The following ZHX3 variants were observed in gnomAD, a reference collection of about 807,000 sequenced individuals.
ZHX3 encodes the protein zinc fingers and homeoboxes 3.
ZHX3 carries 20 observed loss-of-function variants against 64.5 expected under a neutral mutation model. That is an observed-to-expected ratio of 0.31 (90% CI 0.22 to 0.45). ZHX3 has a LOEUF of 0.45. Ranked by LOEUF, ZHX3 falls within the 20% of genes least tolerant of loss-of-function variation. The pLI, the probability that ZHX3 is intolerant of heterozygous loss-of-function variation, is 1.00. For missense variants in ZHX3, 1,041 were observed against 1,195.8 expected, an observed-to-expected ratio of 0.87 and a Z score of 1.91; for synonymous variants, 423 against 461.6, an observed-to-expected ratio of 0.92 and a Z score of 1.07.
intron 3 of ZHX3, among the ~76,000 whole-genome samples, chr20:41,198,231 C>T (rs1036328811): frequency 1.3e-5 from 2 of 151,828 alleles, no homozygotes; most frequent in Admixed American, 6.6e-5. Flanking sequence ...CTCCTGACCT[C>T]GTGATCCACC....
intron 1 of ZHX3, among the ~76,000 whole-genome samples, chr20:41,297,910 T>C (rs1416945744): frequency 6.6e-6 from 1 of 152,150 alleles, no homozygotes; most frequent in East Asian, 1.9e-4. Flanking sequence ...ACTTACAAGG[T>C]CTAGAGTGGC....
At chr20:41,271,631 A>C (rs919056422) in intron 1 of ZHX3, among the ~76,000 whole-genome samples, 10 of 152,218 alleles carry the variant, frequency 6.6e-5, no homozygotes, top group Non-Finnish European at 1.2e-4. Flanking sequence ...GTGGGCCAGA[A>C]GCAACAGCCT....
intron 2 of ZHX3, among the ~76,000 whole-genome samples, chr20:41,259,871 A>G (rs113546489): frequency 6.6e-5 from 10 of 152,314 alleles, no homozygotes; most frequent in African/African-American, 1.9e-4. Flanking sequence ...AAAAACCCCA[A>G]TAAGATTTTT....
intron 1 of ZHX3, among the ~76,000 whole-genome samples, chr20:41,301,723 C>T (rs1174955122): frequency 6.6e-6 from 1 of 152,122 alleles, no homozygotes; most frequent in Admixed American, 6.5e-5. Flanking sequence ...AATCACCTCC[C>T]ATCCAGCAGA....
At chr20:41,263,112 TAATAC>T (rs1300891989) in intron 2 of ZHX3, among the ~76,000 whole-genome samples, 2 of 151,874 alleles carry the variant, frequency 1.3e-5, no homozygotes, top group African/African-American at 2.4e-5. Flanking sequence ...ACAGAAAACA[TAATAC>T]AATAGCAATA....
At chr20:41,316,297 G>T (rs1358578119) in intron 1 of ZHX3, among the ~76,000 whole-genome samples, 1 of 152,044 alleles carries the variant, frequency 6.6e-6, no homozygotes, top group Non-Finnish European at 1.5e-5. Flanking sequence ...TGCGCTTCTG[G>T]ATTTTTCCAC....
intron 3 of ZHX3, among the ~76,000 whole-genome samples, chr20:41,187,752 C>A (rs2036647495): frequency 6.6e-6 from 1 of 152,122 alleles, no homozygotes; most frequent in African/African-American, 2.4e-5. Context: ...TTGGGGTCCC[C>A]TGAGATTCTA....
chr20:41,279,917 A>AG (rs990506484), intron 1 of ZHX3, among the ~76,000 whole-genome samples: 52 of 152,240 alleles, frequency 3.4e-4, no homozygotes, highest in African/African-American at 1.2e-3. Flanking sequence ...AAGTGAGCCC[A>AG]GGACTGTCAG....
At chr20:41,275,537 A>G (rs2146655193) in intron 1 of ZHX3, among the ~76,000 whole-genome samples, 1 of 152,346 alleles carries the variant, frequency 6.6e-6, no homozygotes, top group East Asian at 1.9e-4. Context: ...GATGACGAGA[A>G]CTGGGTTAGG....
At chr20:41,264,386 A>T (rs1474986339) in intron 2 of ZHX3, among the ~76,000 whole-genome samples, 6 of 29,610 alleles carry the variant, frequency 2.0e-4, no homozygotes, top group African/African-American at 7.7e-4. Context: ...CCAAAAATAC[A>T]AAAAAAAAAA....
intron 1 of ZHX3, among the ~76,000 whole-genome samples, chr20:41,295,200 G>T (rs964635931): frequency 6.6e-6 from 1 of 152,078 alleles, no homozygotes; most frequent in Non-Finnish European, 1.5e-5. Context: ...GGGGAAACTA[G>T]TTGCCTGAGA....
At chr20:41,248,847 A>T (rs2146494883) in intron 2 of ZHX3, among the ~76,000 whole-genome samples, 1 of 152,340 alleles carries the variant, frequency 6.6e-6, no homozygotes, top group South Asian at 2.1e-4. Context: ...GCTGGGTTCT[A>T]ACAAAAAGAT....
rs1423675614 is a variant in ZHX3, at chr20:41,203,530, A to C, written c.1387T>G (p.Cys463Gly). The change falls in exon 3 of 4, where the codon TGT becomes GGT. Residue 463 changes from cysteine to glycine, a missense_variant. By Grantham distance (159) the Cys-to-Gly change is radical (BLOSUM62 -3). Around this residue, in one of 4 missense-constraint regions of ZHX3, gnomAD observed 649 missense variants for 739.8 expected, o/e 0.88. Coordinates refer to ENST00000683867, the MANE Select transcript of ZHX3 (RefSeq NM_001384317.1). The surrounding 1 kb of genome is among the most constrained non-coding windows in gnomAD (Gnocchi z 7.1). Reference protein sequence around the residue: ...QPGVAPINTVCSNTTSAVKVV... With the variant: ...QPGVAPINTVGSNTTSAVKVV... ...TTCACAGCTGACGTTGTATTTGAACACACAGTGTTAATGGGTGCCACACCT... is the reference window on the plus strand; with the variant it reads ...TTCACAGCTGACGTTGTATTTGAACCCACAGTGTTAATGGGTGCCACACCT... The C allele has an allele frequency of 8.1e-6, 13 of 1,614,046 alleles. No individual in the cohort carries two copies. Among genetic ancestry groups the C allele is most frequent in the Non-Finnish European group, 1.1e-5 (13 of 1,180,020 alleles).
chr20:41,202,450 G>A lies in ZHX3; in HGVS notation c.2467C>T (p.Gln823Ter). The A allele has an allele frequency of 6.2e-7, 1 of 1,614,130 alleles. No homozygotes were observed. Among genetic ancestry groups the A allele is most frequent in the Non-Finnish European group, 8.5e-7 (1 of 1,180,034 alleles). ...TTATAGTCTTCGTACCATTTGAGTT[G>A]GCCGTTCTTCAGTGCGTACCTGCTA... The part of the protein sequence containing the change: ...GDSRYALKNG[Q>*]LKWYEDYKRG... Residue 823 changes from glutamine to a stop codon, truncating the protein, a stop_gained, in exon 3 of 4, where the codon CAA becomes TAA. Transcript: ENST00000683867. LOFTEE classifies it high-confidence loss of function. The surrounding 1 kb of genome is among the most constrained non-coding windows in gnomAD (Gnocchi z 7.0).
intron 1 of ZHX3, among the ~76,000 whole-genome samples, chr20:41,287,218 C>CT (rs1410675680): frequency 6.6e-6 from 1 of 152,278 alleles, no homozygotes; most frequent in East Asian, 1.9e-4. Flanking sequence ...CCTCAGAACT[C>CT]TGCTTAAATA....
At chr20:41,308,991 G>A (rs2045055786) in intron 1 of ZHX3, among the ~76,000 whole-genome samples, 1 of 151,690 alleles carries the variant, frequency 6.6e-6, no homozygotes. Flanking sequence ...ACCCTAATTC[G>A]ACCTATTCCT....
chr20:41,225,496 T>C, intron 2 of ZHX3, among the ~76,000 whole-genome samples: 1 of 152,222 alleles, frequency 6.6e-6, no homozygotes, highest in East Asian at 1.9e-4. Context: ...CCATTTGTTT[T>C]TTTCTTTTGA....
rs2040641515 is a variant in ZHX3 at position 41,232,056 on chromosome 20, A to G, written c.-150-26990T>C. 6.6e-6 allele frequency among the ~76,000 whole-genome samples: 1 copy of G among 152,210 alleles called. No individual in the cohort carries two copies. The highest frequency in any genetic ancestry group is 2.1e-4 in the South Asian group (1 of 4,830). On this transcript the variant is annotated intron_variant, in intron 2 of 3. Coordinates refer to ENST00000683867, the MANE Select transcript of ZHX3 (RefSeq NM_001384317.1). This position sits in a 1 kb window ranked among gnomAD's most constrained non-coding sequence, Gnocchi z 5.0. ...AGACCCCACCAAAATAGAGGCAGTG[A>G]AACAGCCTTTGAAGTTGTTTTCAAA...
At chr20:41,312,815 G>A (rs553783332) in intron 1 of ZHX3, among the ~76,000 whole-genome samples, 15 of 152,252 alleles carry the variant, frequency 9.9e-5, no homozygotes, top group South Asian at 6.2e-4. Flanking sequence ...GAGGGAGCAC[G>A]TCAGAGTAAG....
Sources: allele counts gnomAD v4.1 joint callset (sites outside exome capture counted in the v4.1 genomes callset), GRCh38; gene constraint gnomAD v4.1.1; regional missense constraint gnomAD v4.1.1; non-coding constraint Gnocchi (gnomAD v3.1); transcripts MANE v1.5; gene names NCBI Gene and HGNC (gene_info 2026-07-23, HGNC 2026-07-21).